VLDLR: variants seen among roughly 807,000 people sequenced by gnomAD.
The protein encoded by VLDLR is very low density lipoprotein receptor, also known as very low-density lipoprotein receptor.
A neutral mutation model predicts 112.7 loss-of-function variants in VLDLR; 81 were observed. The ratio of observed to expected loss-of-function variants is 0.72; its 90% CI spans 0.60 to 0.86. The LOEUF (loss-of-function observed/expected upper bound fraction) is 0.86. Ranked by LOEUF, VLDLR falls within the 40% of genes least tolerant of loss-of-function variation. VLDLR has a pLI of 0.00. For synonymous variants in VLDLR, 436 were observed against 384.8 expected, an observed-to-expected ratio of 1.13 and a Z score of -1.56; for missense variants, 1,237 against 1,099.4, an observed-to-expected ratio of 1.13 and a Z score of -1.77.
In VLDLR at chr9:2,621,815, G is replaced by A. The variant is rs1437589964; in HGVS notation, c.-375G>A. 1.2e-5 allele frequency: 6 copies of A among 498,654 alleles called. No individual in the cohort carries two copies. The highest frequency in any genetic ancestry group is 6.4e-5 in the South Asian group (4 of 62,858). 30.9% of individuals were successfully genotyped at this position (498,654 alleles called of 1,614,324 possible). A position where few individuals can be genotyped will look rare whatever the true frequency, so the allele number is the denominator to read the frequency against. Reference sequence around the variant, plus strand: ...CCGCTCTCCGGCCGCCGCCGGTGCGGGTGCTCCGCTACCGGCTCCTCTCCG... The same window carrying A: ...CCGCTCTCCGGCCGCCGCCGGTGCGAGTGCTCCGCTACCGGCTCCTCTCCG... On this transcript the variant is annotated 5_prime_UTR_variant, in exon 1 of 19. Transcript: ENST00000382100.
chr9:2,623,653 C>A (rs1404833739), intron 1 of VLDLR, among the ~76,000 whole-genome samples: 1 of 152,186 alleles, frequency 6.6e-6, no homozygotes, highest in Non-Finnish European at 1.5e-5. Context: ...GTTAGCGGTG[C>A]GATCACGTTT....
rs1308808205 is a variant in VLDLR at position 2,657,591 on chromosome 9, T to C, written c.*3723T>C. ...ATAATCCCCTGGGTATTACATATTC[T>C]GCAAGCCCTGTTAGTGGGGAGATGG... On this transcript the variant is annotated 3_prime_UTR_variant, in exon 19 of 19. Transcript: ENST00000382100. 6.6e-6 allele frequency: 1 copy of C among 152,240 alleles called. No individual in the cohort carries two copies. Among genetic ancestry groups the C allele is most frequent in the Non-Finnish European group, 1.5e-5 (1 of 68,038 alleles). 9.4% of individuals were successfully genotyped at this position (152,240 alleles called of 1,614,324 possible).
At chr9:2,640,241 A>C (rs1257486308) in intron 3 of VLDLR, among the ~76,000 whole-genome samples, 1 of 152,200 alleles carries the variant, frequency 6.6e-6, no homozygotes, top group African/African-American at 2.4e-5. Context: ...AGATTCAATC[A>C]AGAACTCCTT....
Position 2,651,431 on chromosome 9 carries a change from G to A in VLDLR, c.2268G>A (p.Val756=). The change falls in exon 16 of 19, where the codon GTG becomes GTA. Residue 756 remains valine (V), a synonymous_variant. Transcript: ENST00000382100. ...GRDCQSTATT[V]TYSETKDTNT... ...ATAATTCAGGTACTGCAACTACTGT[G>A]ACTTACAGTGAGACAAAAGATACGA... 3 of 1,613,842 alleles carry A rather than the reference G, an allele frequency of 1.9e-6. No individual in the cohort carries two copies. Among genetic ancestry groups the A allele is most frequent in the Non-Finnish European group, 2.5e-6 (3 of 1,179,884 alleles).
In VLDLR at chr9:2,658,279, ATC is replaced by A. The variant is rs1314948952; in HGVS notation, c.*4417_*4418del. ...AACAAACTGATAACAGTGGTGTTCC[ATC>A]TCTCTATCATGTCTCCTGAGTCCGT... On this transcript the variant is annotated 3_prime_UTR_variant, in exon 19 of 19. Transcript: ENST00000382100. 1 of 152,206 alleles carries A rather than the reference ATC, an allele frequency of 6.6e-6. No homozygotes were observed. The highest frequency in any genetic ancestry group is 6.5e-5 in the Admixed American group (1 of 15,274). The allele number at this position is 152,206 out of a possible 1,614,324, so 9.4% of individuals were successfully genotyped here.
Position 2,633,045 on chromosome 9 carries a change from AGAGAGAGTGTGT to A in VLDLR, c.83-2406_83-2395del, listed in dbSNP as rs1341334778. The stretch of plus-strand genomic sequence containing the variant: ...TACTCCTTATTGGAGAGAGAGAGAG[AGAGAGAGTGTGT>A]GTGTGTGTGTGTGTGTGTGTGTGTG... On this transcript the variant is annotated intron_variant, in intron 1 of 18. Transcript: ENST00000382100. Among the ~76,000 whole-genome samples, 626 of 113,768 alleles carry A rather than the reference AGAGAGAGTGTGT, an allele frequency of 5.5e-3. 2 individuals carry two copies. The highest frequency in any genetic ancestry group is 0.016 in the Middle Eastern group (4 of 250). 74.6% of individuals were successfully genotyped at this position (113,768 alleles called of 152,430 possible). A position where few individuals can be genotyped will look rare whatever the true frequency, so the allele number is the denominator to read the frequency against.
chr9:2,625,632 G>T (rs888249383), intron 1 of VLDLR, among the ~76,000 whole-genome samples: 12 of 152,156 alleles, frequency 7.9e-5, no homozygotes, highest in African/African-American at 4.8e-5. Flanking sequence ...AGCTCCTTGT[G>T]GTGGCTAATA....
chr9:2,639,748 C>G, intron 2 of VLDLR, 111 bp from the exon 3 acceptor site: 1 of 1,561,926 alleles, frequency 6.4e-7, no homozygotes, highest in Admixed American at 1.7e-5. Context: ...TGCCCATTGA[C>G]TCAGCTTTTT....
At chr9:2,633,504 C>G (rs1287478340) in intron 1 of VLDLR, among the ~76,000 whole-genome samples, 1 of 152,084 alleles carries the variant, frequency 6.6e-6, no homozygotes, top group Non-Finnish European at 1.5e-5. Context: ...TGACATTGAC[C>G]TTTAAGTTGC....
At position 2,647,488 on chromosome 9, in the gene VLDLR, C is replaced by A; in HGVS notation, c.1718C>A (p.Ser573Ter). The A allele has an allele frequency of 6.2e-7, 1 of 1,613,992 alleles. No homozygotes were observed. Among genetic ancestry groups the A allele is most frequent in the South Asian group, 1.1e-5 (1 of 91,072 alleles). The change falls in exon 12 of 19, where the codon TCA becomes TAA. Residue 573 changes from serine to a stop codon, truncating the protein, a stop_gained. Transcript: ENST00000382100. LOFTEE classifies it high-confidence loss of function. ...VDPLSGFVYW[S>*]DWGEPAKIEK... ...ATTTTTCACAGCTTTGTTTACTGGTCAGACTGGGGTGAACCAGCTAAAATA... is the reference window on the plus strand; with the variant it reads ...ATTTTTCACAGCTTTGTTTACTGGTAAGACTGGGGTGAACCAGCTAAAATA...
At chr9:2,633,325 T>TA (rs1817451602) in intron 1 of VLDLR, among the ~76,000 whole-genome samples, 2 of 152,110 alleles carry the variant, frequency 1.3e-5, no homozygotes. Context: ...ACAACTAAAT[T>TA]CAGAGACCCT....
chr9:2,652,907 C>T lies in VLDLR; in HGVS notation c.2544C>T (p.Asp848=). The T allele has an allele frequency of 6.2e-7, 1 of 1,614,090 alleles. No individual in the cohort carries two copies. Among genetic ancestry groups the T allele is most frequent in the South Asian group, 1.1e-5 (1 of 91,082 alleles). ...LKTTEEDLSI[D]IGRHSASVGH... ...CCACTGAAGAGGACCTCTCCATAGACATTGGTAGACACAGTGCTTCTGTTG... is the reference window on the plus strand; with the variant it reads ...CCACTGAAGAGGACCTCTCCATAGATATTGGTAGACACAGTGCTTCTGTTG... The change falls in exon 18 of 19, where the codon GAC becomes GAT. Residue 848 remains aspartate (D), a synonymous_variant. Transcript: ENST00000382100.
chr9:2,633,020 T>TA (rs1453043595), intron 1 of VLDLR, among the ~76,000 whole-genome samples: 2 of 147,544 alleles, frequency 1.4e-5, no homozygotes, highest in South Asian at 2.2e-4. Flanking sequence ...TGCCTGTTGC[T>TA]ACTCCTTATT....
At chr9:2,631,155 C>G (rs1326679034) in intron 1 of VLDLR, among the ~76,000 whole-genome samples, 1 of 152,068 alleles carries the variant, frequency 6.6e-6, no homozygotes, top group Non-Finnish European at 1.5e-5. Flanking sequence ...AATAAAAAGA[C>G]AAAATACAAC....
chr9:2,648,438 A>C, intron 13 of VLDLR, 91 bp downstream of exon 13: 1 of 1,593,866 alleles, frequency 6.3e-7, no homozygotes, highest in Non-Finnish European at 8.6e-7. Context: ...AGGGAAGAGC[A>C]GCTGAACATG....
intron 1 of VLDLR, among the ~76,000 whole-genome samples, chr9:2,633,596 C>A (rs1001710362): frequency 2.0e-5 from 3 of 152,064 alleles, no homozygotes; most frequent in African/African-American, 7.2e-5. Flanking sequence ...GACTTAATAA[C>A]CTTTGGTAAC....
At chr9:2,623,387 C>T (rs1436888557) in intron 1 of VLDLR, among the ~76,000 whole-genome samples, 1 of 152,268 alleles carries the variant, frequency 6.6e-6, no homozygotes, top group Admixed American at 6.5e-5. Context: ...TTGCCAGCTG[C>T]AGGGAATTGG....
intron 1 of VLDLR, among the ~76,000 whole-genome samples, chr9:2,624,674 G>A (rs1329102410): frequency 6.6e-6 from 1 of 152,218 alleles, no homozygotes; most frequent in Non-Finnish European, 1.5e-5. Flanking sequence ...AAGTGGGTTG[G>A]TGGTACTGGT....
intron 3 of VLDLR, among the ~76,000 whole-genome samples, chr9:2,641,112 C>T (rs1817802149): frequency 6.6e-6 from 1 of 152,156 alleles, no homozygotes; most frequent in African/African-American, 2.4e-5. Context: ...CCAAGTAAAA[C>T]AAAAGCCAGA....
Sources: gnomAD v4.1 joint callset for allele counts (sites outside exome capture counted in the v4.1 genomes callset) on GRCh38, gnomAD v4.1.1 for gene constraint, MANE v1.5 for transcripts, NCBI Gene and HGNC (gene_info 2026-07-23, HGNC 2026-07-21) for gene names.